Variants in FAM20A observed in about 807,000 individuals in gnomAD.
The protein encoded by FAM20A is FAM20A golgi associated secretory pathway pseudokinase, also known as pseudokinase FAM20A.
FAM20A carries 42 observed loss-of-function variants against 52.0 expected under a neutral mutation model. The ratio of observed to expected loss-of-function variants is 0.81; its 90% CI spans 0.63 to 1.04. FAM20A has a LOEUF of 1.04. Among genes scored for constraint, FAM20A ranks in the 50% least tolerant of loss-of-function variants. The pLI is 0.00. For missense variants in FAM20A, 742 were observed against 712.7 expected, an observed-to-expected ratio of 1.04 and a Z score of -0.47; for synonymous variants, 304 against 298.9, an observed-to-expected ratio of 1.02 and a Z score of -0.18.
chr17:68,559,048 A>G (rs1046834726), intron 1 of FAM20A, among the ~76,000 whole-genome samples: 4 of 152,180 alleles, frequency 2.6e-5, no homozygotes, highest in Non-Finnish European at 5.9e-5. Flanking sequence ...GTGAGCCACC[A>G]CACCTCGCCA....
intron 6 of FAM20A, among the ~76,000 whole-genome samples, 162 bp downstream of exon 6, chr17:68,542,532 T>C (rs374654023): frequency 9.2e-5 from 14 of 152,276 alleles, no homozygotes; most frequent in Admixed American, 4.6e-4. Flanking sequence ...TCTTGTGTTA[T>C]GGTCAGGCAG....
chr17:68,567,698 A>T (rs984613047), intron 1 of FAM20A, among the ~76,000 whole-genome samples: 3 of 151,930 alleles, frequency 2.0e-5, no homozygotes, highest in Non-Finnish European at 2.9e-5. Context: ...TTGTACTCTG[A>T]TATGGTTTGG....
chr17:68,548,444 C>T (rs1209403616), intron 4 of FAM20A, among the ~76,000 whole-genome samples: 1 of 151,948 alleles, frequency 6.6e-6, no homozygotes, highest in Non-Finnish European at 1.5e-5. Context: ...GCAAGAGAAT[C>T]GCTTGAACCC....
Position 68,541,970 on chromosome 17 carries a change from T to C in FAM20A, c.1109+15A>G. The stretch of plus-strand genomic sequence containing the variant: ...CTGTCAAGGACTGGGCTGTGTGGCC[T>C]GGGGACCAACTCACTCCTCTTTTCC... On this transcript the variant is annotated intron_variant, in intron 7 of 10. Transcript: ENST00000592554. 2 of 1,610,792 alleles carry C rather than the reference T, an allele frequency of 1.2e-6. No individual in the cohort carries two copies. Among genetic ancestry groups the C allele is most frequent in the Non-Finnish European group, 1.7e-6 (2 of 1,178,066 alleles).
chr17:68,569,483 C>T (rs2087478146), intron 1 of FAM20A, among the ~76,000 whole-genome samples: 1 of 152,218 alleles, frequency 6.6e-6, no homozygotes, highest in African/African-American at 2.4e-5. Context: ...CTCAATGTCT[C>T]TTTATTGATG....
chr17:68,543,453 T>C (rs2143521711), intron 5 of FAM20A, among the ~76,000 whole-genome samples, 176 bp downstream of exon 5: 1 of 152,270 alleles, frequency 6.6e-6, no homozygotes, highest in South Asian at 2.1e-4. Context: ...TGTTTTTCAA[T>C]CTGGGGGGTT....
intron 1 of FAM20A, among the ~76,000 whole-genome samples, chr17:68,594,407 AAAAAC>A (rs1371186347): frequency 1.3e-5 from 2 of 152,138 alleles, no homozygotes; most frequent in African/African-American, 4.8e-5. Context: ...TCAAAAAAAA[AAAAAC>A]AAAACAGTAT....
At chr17:68,564,448 C>T (rs1046461662) in intron 1 of FAM20A, among the ~76,000 whole-genome samples, 3 of 152,184 alleles carry the variant, frequency 2.0e-5, no homozygotes, top group Admixed American at 6.5e-5. Flanking sequence ...CAGAAACAAC[C>T]AGCTTTGCAA....
chr17:68,555,209 C>T (rs1441243736), intron 2 of FAM20A, among the ~76,000 whole-genome samples: 2 of 152,230 alleles, frequency 1.3e-5, no homozygotes, highest in African/African-American at 4.8e-5. Context: ...AGTTACTTAA[C>T]CTTTCTGTGT....
At chr17:68,581,015 G>A (rs1011988199) in intron 1 of FAM20A, among the ~76,000 whole-genome samples, 5 of 152,136 alleles carry the variant, frequency 3.3e-5, no homozygotes, top group African/African-American at 1.2e-4. Context: ...TGATTAGGAA[G>A]ACCAAAAAAC....
intron 1 of FAM20A, among the ~76,000 whole-genome samples, chr17:68,586,960 C>T (rs1026647011): frequency 1.3e-5 from 2 of 151,902 alleles, no homozygotes; most frequent in African/African-American, 4.8e-5. Context: ...GGTGTGATGT[C>T]GTTCACTGCA....
chr17:68,579,438 A>C (rs1220440253), intron 1 of FAM20A, among the ~76,000 whole-genome samples: 1 of 152,104 alleles, frequency 6.6e-6, no homozygotes, highest in African/African-American at 2.4e-5. Flanking sequence ...CTCAGACTAA[A>C]TTTCTAGCCA....
intron 8 of FAM20A, among the ~76,000 whole-genome samples, chr17:68,540,375 G>A (rs1365782121): frequency 1.3e-5 from 2 of 152,210 alleles, no homozygotes; most frequent in African/African-American, 4.8e-5. Flanking sequence ...TGATGAGCCA[G>A]CTGTCTGACT....
chr17:68,546,829 C>CAAAAA (rs35112614), intron 4 of FAM20A, among the ~76,000 whole-genome samples: 1 of 84,010 alleles, frequency 1.2e-5, no homozygotes, highest in African/African-American at 5.1e-5. Flanking sequence ...GACTACGGCT[C>CAAAAA]AAAAAAAAAA....
intron 4 of FAM20A, among the ~76,000 whole-genome samples, chr17:68,546,445 C>G (rs1478410283): frequency 6.6e-6 from 1 of 152,030 alleles, no homozygotes; most frequent in Non-Finnish European, 1.5e-5. Context: ...AATGGAGACT[C>G]CTTTCCAGAA....
At chr17:68,578,055 C>A (rs956818220) in intron 1 of FAM20A, among the ~76,000 whole-genome samples, 2 of 152,050 alleles carry the variant, frequency 1.3e-5, no homozygotes. Flanking sequence ...ATTGGATAGA[C>A]AGGTGTCCTC....
At chr17:68,558,228 G>A (rs112691030) in intron 1 of FAM20A, 48 of 308,738 alleles carry the variant, frequency 1.6e-4, no homozygotes, top group African/African-American at 8.6e-4. Context: ...TACCAACAAC[G>A]AGAATGAGCT....
At chr17:68,553,745 CACATATATAT>C (rs1260824112) in intron 3 of FAM20A, among the ~76,000 whole-genome samples, 161 of 149,584 alleles carry the variant, frequency 1.1e-3, no homozygotes, top group East Asian at 5.3e-3. Context: ...CATATATATA[CACATATATAT>C]ACATATATAT....
At chr17:68,552,770 T>C (rs1223902373) in intron 3 of FAM20A, among the ~76,000 whole-genome samples, 1 of 127,146 alleles carries the variant, frequency 7.9e-6, no homozygotes, top group African/African-American at 2.9e-5. Context: ...CAAGCTCCGC[T>C]TCCCGGGTTC....
Sources: allele counts gnomAD v4.1 joint callset (sites outside exome capture counted in the v4.1 genomes callset), GRCh38; gene constraint gnomAD v4.1.1; transcripts MANE v1.5; gene names NCBI Gene and HGNC (gene_info 2026-07-23, HGNC 2026-07-21).